RAPGEF4: variants seen among roughly 807,000 people sequenced by gnomAD.
RAPGEF4 encodes the protein RAP guanine-nucleotide-exchange factor (GEF) 4.
A neutral mutation model predicts 147.9 loss-of-function variants in RAPGEF4; 66 were observed. That is an observed-to-expected ratio of 0.45 (90% CI 0.37 to 0.55). RAPGEF4 has a LOEUF of 0.55. Ranked by LOEUF, RAPGEF4 falls within the 20% of genes least tolerant of loss-of-function variation. The pLI is 0.00. For missense variants in RAPGEF4, 1,071 were observed against 1,257.3 expected (o/e 0.85, Z 2.24); for synonymous variants, 419 against 442.7 (o/e 0.95, Z 0.67).
intron 11 of RAPGEF4, among the ~76,000 whole-genome samples, chr2:172,983,817 C>A (rs547555425): frequency 6.6e-6 from 1 of 152,182 alleles, no homozygotes; most frequent in Non-Finnish European, 1.5e-5. Flanking sequence ...AGAGCAGCCC[C>A]ATGTGAGTAG....
At chr2:172,793,893 T>C (rs1444037127) in intron 1 of RAPGEF4, among the ~76,000 whole-genome samples, 3 of 152,094 alleles carry the variant, frequency 2.0e-5, no homozygotes, top group African/African-American at 7.2e-5. Context: ...CCTAGCACTT[T>C]GGGAGGCTGA....
chr2:172,900,206 C>T (rs1191138870), intron 4 of RAPGEF4, among the ~76,000 whole-genome samples: 3 of 152,198 alleles, frequency 2.0e-5, no homozygotes, highest in Non-Finnish European at 2.9e-5. Flanking sequence ...AACTCTGACT[C>T]CTTTCCATTT....
At chr2:172,930,878 A>T (rs534065667) in intron 6 of RAPGEF4, among the ~76,000 whole-genome samples, 1 of 152,264 alleles carries the variant, frequency 6.6e-6, no homozygotes, top group Non-Finnish European at 1.5e-5. Context: ...AACAAGGGCT[A>T]AGTCATTGAA....
At chr2:172,958,648 G>A (rs183765187) in intron 6 of RAPGEF4, among the ~76,000 whole-genome samples, 37 of 152,310 alleles carry the variant, frequency 2.4e-4, no homozygotes, top group Admixed American at 2.1e-3. Context: ...TTCTTGATCT[G>A]TGCTGGTAAA....
At chr2:172,776,684 G>C (rs1300674863) in intron 1 of RAPGEF4, among the ~76,000 whole-genome samples, 2 of 151,942 alleles carry the variant, frequency 1.3e-5, no homozygotes, top group African/African-American at 4.8e-5. Context: ...TTGAGGTTCA[G>C]TTATCCTTTT....
intron 4 of RAPGEF4, among the ~76,000 whole-genome samples, chr2:172,828,090 A>C (rs1268254951): frequency 1.3e-5 from 2 of 152,176 alleles, no homozygotes; most frequent in Non-Finnish European, 2.9e-5. Flanking sequence ...AGAAATGAAC[A>C]ACTTGTGGCC....
chr2:172,975,242 C>T (rs897881411), intron 10 of RAPGEF4, among the ~76,000 whole-genome samples: 8 of 152,154 alleles, frequency 5.3e-5, no homozygotes, highest in Admixed American at 3.3e-4. Context: ...ACTGAAAACC[C>T]ACAGCTCTGG....
chr2:172,860,735 T>C (rs1443692838), intron 4 of RAPGEF4, among the ~76,000 whole-genome samples: 1 of 152,158 alleles, frequency 6.6e-6, no homozygotes, highest in Non-Finnish European at 1.5e-5. Flanking sequence ...TGTTTAAATA[T>C]GTAAAGCCAG....
At chr2:172,913,134 G>A (rs901708630) in intron 4 of RAPGEF4, among the ~76,000 whole-genome samples, 3 of 152,016 alleles carry the variant, frequency 2.0e-5, no homozygotes, top group South Asian at 2.1e-4. Flanking sequence ...GACCTCAGGC[G>A]ATCCACCTGC....
intron 4 of RAPGEF4, among the ~76,000 whole-genome samples, chr2:172,879,732 G>C (rs1404898849): frequency 6.6e-6 from 1 of 152,062 alleles, no homozygotes; most frequent in African/African-American, 2.4e-5. Flanking sequence ...AACCTAGAAG[G>C]TCAAGGCTGC....
intron 4 of RAPGEF4, among the ~76,000 whole-genome samples, chr2:172,853,135 A>G (rs555796338): frequency 6.6e-6 from 1 of 152,148 alleles, no homozygotes; most frequent in South Asian, 2.1e-4. Context: ...TTTTGGTATC[A>G]GGATTATGCT....
chr2:172,891,285 T>C (rs1697884209), intron 4 of RAPGEF4, among the ~76,000 whole-genome samples: 1 of 152,178 alleles, frequency 6.6e-6, no homozygotes, highest in South Asian at 2.1e-4. Flanking sequence ...GTTTCATGGG[T>C]GATTCTTACC....
At chr2:173,023,449 C>G (rs1247054208) in intron 23 of RAPGEF4, among the ~76,000 whole-genome samples, 1 of 152,122 alleles carries the variant, frequency 6.6e-6, no homozygotes, top group Admixed American at 6.5e-5. Flanking sequence ...GAAAATGGCC[C>G]AAGGAGGCGC....
chr2:173,049,237 A>C (rs1363035151), intron 30 of RAPGEF4, among the ~76,000 whole-genome samples: 1 of 152,172 alleles, frequency 6.6e-6, no homozygotes, highest in Non-Finnish European at 1.5e-5. Context: ...CTTTAATATA[A>C]AAAAATTACT....
chr2:173,029,642 T>C (rs757045310), intron 25 of RAPGEF4, among the ~76,000 whole-genome samples: 6 of 152,168 alleles, frequency 3.9e-5, no homozygotes, highest in Non-Finnish European at 7.4e-5. Context: ...TGAGATTGAG[T>C]GCCCAGCCTA....
At chr2:172,735,443 G>C (rs942875346), upstream of RAPGEF4, 3 of 152,468 alleles carry the variant, frequency 2.0e-5, no homozygotes, top group Admixed American at 6.5e-5. Context: ...GACAGCTGCT[G>C]AGGAAGACTC....
chr2:172,824,870 TC>T, intron 4 of RAPGEF4, among the ~76,000 whole-genome samples: 1 of 152,244 alleles, frequency 6.6e-6, no homozygotes, highest in African/African-American at 2.4e-5. Flanking sequence ...CGTGGGAGGC[TC>T]TCAACTATCC....
intron 6 of RAPGEF4, among the ~76,000 whole-genome samples, chr2:172,943,836 T>C (rs115387958): frequency 0.021 from 3,251 of 152,300 alleles, 125 homozygotes; most frequent in African/African-American, 0.074. Context: ...CTCTGTTCTA[T>C]ATCTTCATAA....
intron 6 of RAPGEF4, 42 bp downstream of exon 6, chr2:172,922,342 T>C: frequency 5.8e-6 from 9 of 1,562,882 alleles, no homozygotes; most frequent in Non-Finnish European, 7.1e-6. Context: ...AAAATTGTTA[T>C]AAGGTAAAAA....
Sources: allele counts gnomAD v4.1 joint callset (sites outside exome capture counted in the v4.1 genomes callset), GRCh38; gene constraint gnomAD v4.1.1; transcripts MANE v1.5; gene names NCBI Gene and HGNC (gene_info 2026-07-23, HGNC 2026-07-21).